CAMK4: variants seen among roughly 807,000 people sequenced by gnomAD.
CAMK4 encodes calcium/calmodulin-dependent protein kinase type IV.
Under a neutral mutation model 44.9 loss-of-function variants are expected in CAMK4, and 22 were observed. The ratio of observed to expected loss-of-function variants is 0.49; its 90% CI spans 0.35 to 0.70. CAMK4 has a LOEUF of 0.70. Ranked by LOEUF, CAMK4 falls within the 30% of genes least tolerant of loss-of-function variation. CAMK4 has a pLI of 0.01. For synonymous variants in CAMK4, 218 were observed against 215.4 expected (o/e 1.01, Z -0.11); for missense variants, 498 against 586.8 (o/e 0.85, Z 1.56).
In CAMK4 at chr5:111,410,736, G is replaced by A. The variant is rs1023580847; in HGVS notation, c.459+15954G>A. The stretch of plus-strand genomic sequence containing the variant: ...ATTTGGTAATGGCTAATTCAGGAGG[G>A]GTGTTGATAAAATGAACAGTTCTCT... On this transcript the variant is annotated intron_variant, in intron 5 of 10. Coordinates refer to ENST00000282356, the MANE Select transcript of CAMK4 (RefSeq NM_001744.6). 1.1e-3 allele frequency among the ~76,000 whole-genome samples: 170 copies of A among 152,114 alleles called. 2 individuals carry two copies. Among genetic ancestry groups the A allele is most frequent in the Admixed American group, 0.01 (156 of 15,270 alleles).
At chr5:111,385,435 TAC>T (rs1410673679) in intron 4 of CAMK4, among the ~76,000 whole-genome samples, 1 of 152,074 alleles carries the variant, frequency 6.6e-6, no homozygotes, top group Non-Finnish European at 1.5e-5. Flanking sequence ...AGCACAATTG[TAC>T]ACTGTTGGGT....
chr5:111,368,106 T>C (rs1481295526), intron 2 of CAMK4, among the ~76,000 whole-genome samples: 1 of 152,074 alleles, frequency 6.6e-6, no homozygotes, highest in Non-Finnish European at 1.5e-5. Flanking sequence ...TATATATTTA[T>C]TGTAAATTGT....
At chr5:111,378,831 T>C (rs1336319851) in intron 4 of CAMK4, among the ~76,000 whole-genome samples, 1 of 152,126 alleles carries the variant, frequency 6.6e-6, no homozygotes, top group East Asian at 1.9e-4. Flanking sequence ...TAGAACAAAT[T>C]TGAAGTGGCT....
intron 2 of CAMK4, chr5:111,365,118 C>CCCAACAG (rs1750743340): frequency 6.6e-6 from 1 of 152,256 alleles, no homozygotes; most frequent in Non-Finnish European, 1.5e-5. Flanking sequence ...ACAGTGGAGA[C>CCCAACAG]TATCCTGGCT....
In CAMK4 at chr5:111,406,014, A is replaced by G. The variant is rs189509467; in HGVS notation, c.459+11232A>G. On this transcript the variant is annotated intron_variant, in intron 5 of 10. Transcript: ENST00000282356. ...GCAGATAGCAGGACTTAGAGGATCA[A>G]TGAGAACTTTTCATCAAACTTTCTC... 9.3e-4 allele frequency among the ~76,000 whole-genome samples: 141 copies of G among 152,192 alleles called. 2 individuals are homozygous for G. The highest frequency in any genetic ancestry group is 3.1e-3 in the African/African-American group (127 of 41,526).
intron 7 of CAMK4, among the ~76,000 whole-genome samples, chr5:111,472,763 A>ATGCCAGGATATG (rs1755108852): frequency 6.6e-6 from 1 of 152,042 alleles, no homozygotes; most frequent in Non-Finnish European, 1.5e-5. Context: ...GCATCTCTCA[A>ATGCCAGGATATG]TGCCAGGACA....
At chr5:111,353,484 A>G (rs1750199720) in intron 2 of CAMK4, among the ~76,000 whole-genome samples, 3 of 152,132 alleles carry the variant, frequency 2.0e-5, no homozygotes, top group Non-Finnish European at 4.4e-5. Flanking sequence ...CGAATAAAGG[A>G]GGAAAAATAA....
At chr5:111,250,195 A>T (rs1458741317) in intron 1 of CAMK4, among the ~76,000 whole-genome samples, 1 of 152,248 alleles carries the variant, frequency 6.6e-6, no homozygotes, top group Non-Finnish European at 1.5e-5. Context: ...CAAATTGGCC[A>T]TGCACACAAA....
At chr5:111,415,772 G>A (rs576794494) in intron 5 of CAMK4, among the ~76,000 whole-genome samples, 2 of 152,132 alleles carry the variant, frequency 1.3e-5, no homozygotes, top group Admixed American at 1.3e-4. Flanking sequence ...TAAATCTCTA[G>A]GTTCCACATC....
In CAMK4 at chr5:111,224,534, C is replaced by A. The variant is rs987467299; in HGVS notation, c.51C>A (p.Val17=). 1 of 1,611,476 alleles carries A rather than the reference C, an allele frequency of 6.2e-7. No homozygotes were observed. The highest frequency in any genetic ancestry group is 1.7e-5 in the Admixed American group (1 of 59,894). ...PSCSASSCSS[V]TASAAPGTAS... is the part of the protein sequence containing the mutation. The stretch of plus-strand genomic sequence containing the variant: ...GCTCCGCCTCGTCCTGCTCTTCGGT[C>A]ACCGCCAGTGCGGCCCCGGGGACCG... Residue 17 remains valine (V), a synonymous_variant, in exon 1 of 11, where the codon GTC becomes GTA. Coordinates refer to ENST00000282356, the MANE Select transcript of CAMK4 (RefSeq NM_001744.6). The surrounding 1 kb of genome is among the most constrained non-coding windows in gnomAD (Gnocchi z 5.7).
chr5:111,273,768 C>T (rs1750642486), intron 1 of CAMK4, among the ~76,000 whole-genome samples: 2 of 143,574 alleles, frequency 1.4e-5, no homozygotes, highest in Non-Finnish European at 3.1e-5. Flanking sequence ...TACACACACA[C>T]ATATATACAC....
intron 5 of CAMK4, among the ~76,000 whole-genome samples, chr5:111,418,438 G>C (rs1400878073): frequency 2.7e-5 from 2 of 74,484 alleles, no homozygotes; most frequent in Admixed American, 2.4e-4. Flanking sequence ...CTTATCAGGA[G>C]ACAGGGATTT....
chr5:111,484,103 C>G lies in CAMK4; in HGVS notation c.1059C>G (p.His353Gln). Residue 353 changes from histidine (H) to glutamine (Q), a missense_variant, in exon 11 of 11, where the codon CAC (histidine) becomes CAG (glutamine). Transcript: ENST00000282356. This position sits in a 1 kb window ranked among gnomAD's most constrained non-coding sequence, Gnocchi z 5.3. ...GCCATGGCAGCATCCAGGAGAGCCA[C>G]AAGGCTAGCCGAGACCCTTCTCCAA... ...SSSHGSIQESHKASRDPSPIQ... is the reference protein window; with the variant it reads ...SSSHGSIQESQKASRDPSPIQ... 1 of 1,613,798 alleles carries G rather than the reference C, an allele frequency of 6.2e-7. No homozygotes were observed. The highest frequency in any genetic ancestry group is 8.5e-7 in the Non-Finnish European group (1 of 1,179,834).
chr5:111,478,520 AAAACAAAATG>A lies in CAMK4; in HGVS notation c.828+27_828+36del. On this transcript the variant is annotated intron_variant, in intron 9 of 10. Transcript: ENST00000282356. ...TGCCAAGGACTTGGTAAGTGTAACC[AAAACAAAATG>A]AAACAAAATGAAATAAATTTATTTT... 7.1e-7 allele frequency: 1 copy of A among 1,407,870 alleles called. No individual in the cohort carries two copies. Among genetic ancestry groups the A allele is most frequent in the Non-Finnish European group, 9.6e-7 (1 of 1,039,388 alleles). 87.2% of individuals were successfully genotyped at this position (1,407,870 alleles called of 1,614,324 possible).
intron 5 of CAMK4, among the ~76,000 whole-genome samples, chr5:111,424,698 T>C (rs926371753): frequency 3.9e-5 from 6 of 151,988 alleles, no homozygotes; most frequent in Non-Finnish European, 5.9e-5. Flanking sequence ...CCGCCCGCCT[T>C]GGCCTCCCAA....
intron 1 of CAMK4, among the ~76,000 whole-genome samples, chr5:111,325,701 C>A (rs1054336324): frequency 9.2e-5 from 14 of 152,150 alleles, no homozygotes; most frequent in African/African-American, 3.4e-4. Flanking sequence ...CTATTCATAT[C>A]CTTCGCCCAC....
intron 1 of CAMK4, among the ~76,000 whole-genome samples, chr5:111,314,966 G>C (rs1180743920): frequency 6.6e-6 from 1 of 151,976 alleles, no homozygotes; most frequent in Non-Finnish European, 1.5e-5. Context: ...TCAAAGATAA[G>C]ATACTGCAGT....
At chr5:111,373,809 C>G (rs1424506430) in intron 2 of CAMK4, among the ~76,000 whole-genome samples, 2 of 152,072 alleles carry the variant, frequency 1.3e-5, no homozygotes, top group East Asian at 3.9e-4. Flanking sequence ...ATGGCAGAAA[C>G]CATAGTAAGA....
chr5:111,319,870 GCAAGATA>G (rs1748585848), intron 1 of CAMK4, among the ~76,000 whole-genome samples: 1 of 152,046 alleles, frequency 6.6e-6, no homozygotes, highest in Non-Finnish European at 1.5e-5. Context: ...CATTTTGTAT[GCAAGATA>G]TAACTGAAAG....
Sources: allele counts gnomAD v4.1 joint callset (sites outside exome capture counted in the v4.1 genomes callset), GRCh38; gene constraint gnomAD v4.1.1; non-coding constraint Gnocchi (gnomAD v3.1); transcripts MANE v1.5; gene names NCBI Gene and HGNC (gene_info 2026-07-23, HGNC 2026-07-21).